The following IQGAP1 variants were observed in gnomAD, a reference collection of about 807,000 sequenced individuals.
The protein encoded by IQGAP1 is IQ motif containing GTPase activating protein 1.
A neutral mutation model predicts 215.6 loss-of-function variants in IQGAP1; 66 were observed. That is an observed-to-expected ratio of 0.31 (90% confidence interval 0.25 to 0.38). The LOEUF is 0.38. Among genes scored for constraint, IQGAP1 ranks in the 10% least tolerant of loss-of-function variants. The pLI, the probability that IQGAP1 is intolerant of heterozygous loss-of-function variation, is 1.00. For synonymous variants in IQGAP1, 772 were observed against 728.7 expected (o/e 1.06, Z -0.96); for missense variants, 1,712 against 1,997.1 (o/e 0.86, Z 2.72).
Position 90,482,113 on chromosome 15 carries a change from A to G in IQGAP1, c.3470+13A>G. The G allele has an allele frequency of 1.2e-6, 2 of 1,614,174 alleles. No individual in the cohort carries two copies. Among genetic ancestry groups the G allele is most frequent in the Non-Finnish European group, 1.7e-6 (2 of 1,180,028 alleles). ...TGGACAAAATCCCGTGAGTGCCATC[A>G]GTTGTCATGACCCCCAGTAGAACCC... On this transcript the variant is annotated intron_variant, in intron 27 of 37. Coordinates refer to ENST00000268182, the MANE Select transcript of IQGAP1 (RefSeq NM_003870.4).
At chr15:90,494,928 T>A (rs1338460618) in intron 36 of IQGAP1, 93 bp downstream of exon 36, 1 of 848,922 alleles carries the variant, frequency 1.2e-6, no homozygotes, top group African/African-American at 1.7e-5. Flanking sequence ...TTCTGGATGG[T>A]TACTTTTAGT....
rs1391051116 is a variant in IQGAP1 at position 90,502,076 on chromosome 15, G to A, written c.*1968G>A. On this transcript the variant is annotated 3_prime_UTR_variant, in exon 38 of 38. Transcript: ENST00000268182. Reference sequence around the variant, plus strand: ...TCATTACTGTTATTTATTAGCTGTAGCATTCTCTGTCTCCTCTCTCTCCTC... The same window carrying A: ...TCATTACTGTTATTTATTAGCTGTAACATTCTCTGTCTCCTCTCTCTCCTC... 2 of 152,638 alleles carry A rather than the reference G, an allele frequency of 1.3e-5. No individual in the cohort carries two copies. Among genetic ancestry groups the A allele is most frequent in the African/African-American group, 4.8e-5 (2 of 41,440 alleles). 9.5% of individuals were successfully genotyped at this position (152,638 alleles called of 1,614,324 possible).
At chr15:90,486,794 A>G (rs1415278762) in intron 31 of IQGAP1, 160 bp from the exon 32 acceptor site, 6 of 696,342 alleles carry the variant, frequency 8.6e-6, no homozygotes, top group African/African-American at 3.6e-5. Flanking sequence ...ATCATTTGGC[A>G]TAACATTTTA....
intron 3 of IQGAP1, among the ~76,000 whole-genome samples, chr15:90,429,317 T>A (rs1965270440): frequency 6.6e-6 from 1 of 152,194 alleles, no homozygotes; most frequent in Non-Finnish European, 1.5e-5. Flanking sequence ...CACCAGTAGA[T>A]TACTAAGCCA....
At chr15:90,478,910 G>A (rs888338562) in intron 26 of IQGAP1, among the ~76,000 whole-genome samples, 9 of 152,208 alleles carry the variant, frequency 5.9e-5, no homozygotes, top group South Asian at 4.1e-4. Flanking sequence ...GGGCCATAGC[G>A]TAACCACCAA....
At chr15:90,391,025 C>T in intron 2 of IQGAP1, 152 bp downstream of exon 2, 1 of 571,934 alleles carries the variant, frequency 1.7e-6, no homozygotes, top group Non-Finnish European at 3.2e-6. Context: ...CACTTGAACC[C>T]AGCTGTTTGA....
chr15:90,486,984 A>G lies in IQGAP1; in HGVS notation c.4055A>G (p.Asn1352Ser), dbSNP rs146984888. The change falls in exon 32 of 38, where the codon AAT (asparagine) becomes AGT (serine). Residue 1352 changes from asparagine to serine, a missense_variant. Asn to Ser is a conservative substitution (Grantham distance 46). Coordinates refer to ENST00000268182, the MANE Select transcript of IQGAP1 (RefSeq NM_003870.4). ...GESSGNLNDPNKEALAKTEVS... is the reference protein window; with the variant it reads ...GESSGNLNDPSKEALAKTEVS... The stretch of plus-strand genomic sequence containing the variant: ...AGCTCTGGCAATTTAAATGACCCAA[A>G]TAAGGAGGCACTGGCTAAGACGGAA... 3.3e-4 allele frequency: 537 copies of G among 1,614,122 alleles called. No individual in the cohort carries two copies. The highest frequency in any genetic ancestry group is 4.1e-4 in the Non-Finnish European group (488 of 1,180,006).
At chr15:90,499,442 A>G (rs915984010) in intron 37 of IQGAP1, among the ~76,000 whole-genome samples, 1 of 152,200 alleles carries the variant, frequency 6.6e-6, no homozygotes, top group East Asian at 1.9e-4. Context: ...TAAAACATCA[A>G]GTTCTCTCTT....
At chr15:90,487,634 A>G (rs750367611) in intron 33 of IQGAP1, 52 bp downstream of exon 33, 2 of 1,228,410 alleles carry the variant, frequency 1.6e-6, no homozygotes, top group East Asian at 4.7e-5. Context: ...AGCTCTCCCG[A>G]TAGGCGCATG....
At chr15:90,398,567 C>T (rs1001536395) in intron 2 of IQGAP1, among the ~76,000 whole-genome samples, 2 of 152,012 alleles carry the variant, frequency 1.3e-5, no homozygotes, top group African/African-American at 4.8e-5. Context: ...GGTTATATCC[C>T]AATATTGTAA....
At chr15:90,453,321 C>T in intron 13 of IQGAP1, 29 bp downstream of exon 13, 1 of 1,559,252 alleles carries the variant, frequency 6.4e-7, no homozygotes, top group Non-Finnish European at 8.7e-7. Context: ...GGGAATAAAT[C>T]CATTACGTAG....
chr15:90,417,279 G>A (rs1196274224), intron 2 of IQGAP1, among the ~76,000 whole-genome samples: 1 of 152,124 alleles, frequency 6.6e-6, no homozygotes, highest in Non-Finnish European at 1.5e-5. Flanking sequence ...TGAAGTCCTT[G>A]CCCATGTCTA....
rs747394609 is a variant in IQGAP1, at chr15:90,440,620, GAA to G, written c.649+6_649+7del. 4.5e-6 allele frequency: 7 copies of G among 1,548,026 alleles called. No individual in the cohort carries two copies. The highest frequency in any genetic ancestry group is 5.3e-6 in the Non-Finnish European group (6 of 1,142,566). ...TGTCAGTGGATGAAGCCGCATGTAAGAAGAGAGAAATTTTGTGGGTTCAACTG... is the reference window on the plus strand; with the variant it reads ...TGTCAGTGGATGAAGCCGCATGTAAGGAGAGAAATTTTGTGGGTTCAACTG... On this transcript the variant is annotated splice_donor_region_variant and intron_variant, in intron 7 of 37. Coordinates refer to ENST00000268182, the MANE Select transcript of IQGAP1 (RefSeq NM_003870.4).
chr15:90,446,291 A>G (rs918539954), intron 9 of IQGAP1, among the ~76,000 whole-genome samples: 2 of 152,208 alleles, frequency 1.3e-5, no homozygotes, highest in African/African-American at 4.8e-5. Flanking sequence ...GGAAATAATA[A>G]TATGTTCTTA....
intron 18 of IQGAP1, among the ~76,000 whole-genome samples, chr15:90,469,981 C>A (rs181647481): frequency 1.3e-5 from 2 of 151,846 alleles, no homozygotes; most frequent in African/African-American, 4.8e-5. Flanking sequence ...CAGGGTACAA[C>A]TTCTAGCAGA....
At chr15:90,481,255 A>C (rs542567194) in intron 26 of IQGAP1, among the ~76,000 whole-genome samples, 44 of 144,246 alleles carry the variant, frequency 3.1e-4, no homozygotes, top group Middle Eastern at 3.7e-3. Context: ...TGTGTACCAA[A>C]GCTCTCTCTG....
chr15:90,457,139 C>T (rs899248217), intron 15 of IQGAP1, among the ~76,000 whole-genome samples: 11 of 151,844 alleles, frequency 7.2e-5, no homozygotes, highest in Non-Finnish European at 1.2e-4. Context: ...CCCTTCCACC[C>T]TTAGCCACCC....
chr15:90,490,871 C>T (rs1271701986), intron 33 of IQGAP1, among the ~76,000 whole-genome samples: 3 of 152,056 alleles, frequency 2.0e-5, no homozygotes, highest in Non-Finnish European at 2.9e-5. Context: ...TGCAGTGGCG[C>T]GATCTTGGCT....
At chr15:90,453,013 G>C in intron 12 of IQGAP1, 75 bp downstream of exon 12, 1 of 1,566,126 alleles carries the variant, frequency 6.4e-7, no homozygotes, top group Non-Finnish European at 8.7e-7. Flanking sequence ...TCTTCCTGTG[G>C]TTAGGTAGAA....
Sources: allele counts gnomAD v4.1 joint callset (sites outside exome capture counted in the v4.1 genomes callset), GRCh38; gene constraint gnomAD v4.1.1; transcripts MANE v1.5; gene names NCBI Gene and HGNC (gene_info 2026-07-23, HGNC 2026-07-21).